The following MMP16 variants were observed in gnomAD, a reference collection of about 807,000 sequenced individuals.
MMP16 encodes matrix metallopeptidase 16, also known as matrix metalloproteinase-16.
A neutral mutation model predicts 67.8 loss-of-function variants in MMP16; 12 were observed. That is an observed-to-expected ratio of 0.18 (90% CI 0.11 to 0.29). The LOEUF is 0.29. MMP16 is among the 10% of genes least tolerant of loss of function. The pLI is 1.00. For missense variants in MMP16, 475 were observed against 765.7 expected, an observed-to-expected ratio of 0.62 and a Z score of 4.48; for synonymous variants, 249 against 255.9, an observed-to-expected ratio of 0.97 and a Z score of 0.26.
At chr8:88,274,283 CAGA>C (rs1450364160) in intron 1 of MMP16, among the ~76,000 whole-genome samples, 2 of 151,896 alleles carry the variant, frequency 1.3e-5, no homozygotes, top group Admixed American at 6.6e-5. Context: ...AAAGAAGAAA[CAGA>C]AGAAGAATTT....
intron 1 of MMP16, among the ~76,000 whole-genome samples, chr8:88,322,679 A>C (rs756410241): frequency 1.4e-4 from 21 of 151,934 alleles, no homozygotes; most frequent in Non-Finnish European, 2.6e-4. Context: ...AATTAAAAAA[A>C]AAAAAAGAAA....
At position 88,041,848 on chromosome 8, in the gene MMP16, T is replaced by TATGTAGAGA. The variant is rs1480455398; in HGVS notation, c.1490-62_1490-54dup. ...GGTACCACTTATTTGTGACAGTGTA[T>TATGTAGAGA]ATGTAGAGAAATGTTACTAAAATAG... On this transcript the variant is annotated intron_variant, in intron 9 of 9. Transcript: ENST00000286614. This position sits in a 1 kb window ranked among gnomAD's most constrained non-coding sequence, Gnocchi z 6.0. 3 of 1,343,038 alleles carry TATGTAGAGA rather than the reference T, an allele frequency of 2.2e-6. No individual in the cohort carries two copies. The East Asian group carries it at 7.0e-5, about 31-fold the overall frequency. The allele number at this position is 1,343,038 out of a possible 1,614,324, so 83.2% of individuals were successfully genotyped here.
At chr8:88,167,563 A>T in intron 4 of MMP16, 106 bp downstream of exon 4, 1 of 1,138,026 alleles carries the variant, frequency 8.8e-7, no homozygotes, top group Non-Finnish European at 1.2e-6. Flanking sequence ...TGGAATTTTA[A>T]AAGTAAATTT....
intron 4 of MMP16, among the ~76,000 whole-genome samples, chr8:88,161,622 T>C (rs897995023): frequency 6.6e-6 from 1 of 152,164 alleles, no homozygotes; most frequent in Non-Finnish European, 1.5e-5. Flanking sequence ...CTTGCTTCTC[T>C]AGTTCTTTTA....
intron 4 of MMP16, among the ~76,000 whole-genome samples, chr8:88,155,805 T>C (rs1250983123): frequency 6.6e-6 from 1 of 152,116 alleles, no homozygotes; most frequent in Non-Finnish European, 1.5e-5. Context: ...GTTTCCAATA[T>C]TGTTTTTCTG....
intron 6 of MMP16, among the ~76,000 whole-genome samples, chr8:88,108,947 T>C (rs1439523965): frequency 6.6e-6 from 1 of 151,356 alleles, no homozygotes; most frequent in African/African-American, 2.4e-5. Context: ...ATAGATACTG[T>C]ATATTAGATC....
chr8:88,158,243 C>T (rs1163693343), intron 4 of MMP16, among the ~76,000 whole-genome samples: 1 of 152,174 alleles, frequency 6.6e-6, no homozygotes, highest in Non-Finnish European at 1.5e-5. Context: ...TGAGGAATCG[C>T]CACACTGTCT....
intron 1 of MMP16, among the ~76,000 whole-genome samples, chr8:88,263,497 C>G (rs1207407639): frequency 6.6e-6 from 1 of 152,148 alleles, no homozygotes; most frequent in Non-Finnish European, 1.5e-5. Context: ...GCTTAAACAA[C>G]AGACAGTTAT....
chr8:88,301,588 T>C (rs28986475), intron 1 of MMP16, among the ~76,000 whole-genome samples: 4,985 of 152,286 alleles, frequency 0.033, 248 homozygotes, highest in African/African-American at 0.1. Context: ...TATGCAGGAA[T>C]ATGACATTAT....
chr8:88,211,378 T>A (rs1586207132), intron 1 of MMP16, among the ~76,000 whole-genome samples: 2 of 152,128 alleles, frequency 1.3e-5, no homozygotes, highest in African/African-American at 4.8e-5. Context: ...GCATACAGAT[T>A]TGGGGGCAGA....
Position 88,268,938 on chromosome 8 carries a change from C to T in MMP16, c.132+58137G>A, listed in dbSNP as rs546851868. Among the ~76,000 whole-genome samples the T allele has an allele frequency of 3.0e-4, 45 of 152,228 alleles. No individual in the cohort carries two copies. In the South Asian group the frequency reaches 8.9e-3, roughly 30 times the overall value. ...ATCAGCCATGGTTCTTTGATACATC[C>T]CCTATACAAATACAGGATGAGTTTC... On this transcript the variant is annotated intron_variant, in intron 1 of 9. Coordinates refer to ENST00000286614, the MANE Select transcript of MMP16 (RefSeq NM_005941.5).
intron 1 of MMP16, among the ~76,000 whole-genome samples, chr8:88,207,575 T>C (rs947072609): frequency 1.3e-5 from 2 of 152,178 alleles, no homozygotes; most frequent in East Asian, 3.8e-4. Context: ...ATGAAAGTCA[T>C]GGCATTACAA....
At position 88,186,574 on chromosome 8, in the gene MMP16, A is replaced by G; in HGVS notation, c.306T>C (p.Gly102=). 6.3e-7 allele frequency: 1 copy of G among 1,578,338 alleles called. No individual in the cohort carries two copies. The highest frequency in any genetic ancestry group is 8.6e-7 in the Non-Finnish European group (1 of 1,160,564). Residue 102 remains glycine, a synonymous_variant, in exon 3 of 10, where the codon GGT becomes GGC. Coordinates refer to ENST00000286614, the MANE Select transcript of MMP16 (RefSeq NM_005941.5). The stretch of plus-strand genomic sequence containing the variant: ...AGCTACCTCTTGTCTGGTCAGGTAC[A>G]CCGCATCGGGGCTTCTTCATCCAGC... ...TIDWMKKPRC[G]VPDQTRGSSK... is the part of the protein sequence containing the mutation.
chr8:88,148,669 C>T (rs958229025), intron 4 of MMP16, among the ~76,000 whole-genome samples: 2 of 152,150 alleles, frequency 1.3e-5, no homozygotes, highest in South Asian at 2.1e-4. Context: ...TGGAGATATC[C>T]TTACTGAATG....
chr8:88,252,686 G>T (rs1586227871), intron 1 of MMP16, among the ~76,000 whole-genome samples: 1 of 147,844 alleles, frequency 6.8e-6, no homozygotes, highest in African/African-American at 2.5e-5. Context: ...CAAATTAACA[G>T]ACTTGCAGTA....
chr8:88,207,264 AAAT>A (rs1469888981), intron 1 of MMP16, among the ~76,000 whole-genome samples: 1 of 152,196 alleles, frequency 6.6e-6, no homozygotes, highest in Admixed American at 6.5e-5. Context: ...ATGCAGTGTT[AAAT>A]AATAACTGCA....
At position 88,034,378 on chromosome 8, in the gene MMP16, T is replaced by C. The variant is rs530888903; in HGVS notation, c.*7083A>G. Reference sequence around the variant, plus strand: ...GAAACAGAAGGCAAACAAATAACGATCTTAGAATTGGAGGAGCAGAAAAAC... The same window carrying C: ...GAAACAGAAGGCAAACAAATAACGACCTTAGAATTGGAGGAGCAGAAAAAC... On this transcript the variant is annotated 3_prime_UTR_variant, in exon 10 of 10. Transcript: ENST00000286614. 5.9e-5 allele frequency: 9 copies of C among 152,346 alleles called. No individual in the cohort carries two copies. The highest frequency in any genetic ancestry group is 1.0e-4 in the Non-Finnish European group (7 of 67,948). 9.4% of individuals were successfully genotyped at this position (152,346 alleles called of 1,614,324 possible).
At chr8:88,076,122 C>T (rs1808647053) in intron 6 of MMP16, among the ~76,000 whole-genome samples, 1 of 151,928 alleles carries the variant, frequency 6.6e-6, no homozygotes, top group African/African-American at 2.4e-5. Flanking sequence ...CTACCAACTT[C>T]TGTTATTTTT....
intron 7 of MMP16, among the ~76,000 whole-genome samples, chr8:88,068,236 T>G (rs1468747237): frequency 6.6e-6 from 1 of 152,122 alleles, no homozygotes; most frequent in Non-Finnish European, 1.5e-5. Flanking sequence ...TGTTCAATAC[T>G]CTGTTCATTT....
Sources: allele counts gnomAD v4.1 joint callset (sites outside exome capture counted in the v4.1 genomes callset), GRCh38; gene constraint gnomAD v4.1.1; non-coding constraint Gnocchi (gnomAD v3.1); transcripts MANE v1.5; gene names NCBI Gene and HGNC (gene_info 2026-07-23, HGNC 2026-07-21).